The following GMDS variants were observed in gnomAD, a reference collection of about 807,000 sequenced individuals.
GMDS encodes the protein GDP-mannose 4,6-dehydratase, also known as GDP-mannose 4,6 dehydratase.
A neutral mutation model predicts 49.9 loss-of-function variants in GMDS; 20 were observed. The observed-to-expected ratio is 0.40, with a 90% CI of 0.28 to 0.58. The LOEUF (loss-of-function observed/expected upper bound fraction) is 0.58, where lower values mean the gene tolerates loss of function less well. GMDS is among the 20% of genes least tolerant of loss of function. The pLI is 0.42. For missense variants in GMDS, 362 were observed against 481.4 expected (o/e 0.75, Z 2.32); for synonymous variants, 177 against 178.6 (o/e 0.99, Z 0.07).
At position 1,683,043 on chromosome 6, in the gene GMDS, C is replaced by T. The variant is rs1581453010; in HGVS notation, c.987+43373G>A. Reference sequence around the variant, plus strand: ...CGCACGTGGGTGAGCACGTGGGAGTCTCACTATGCCGACGTCGACATCCTG... The same window carrying T: ...CGCACGTGGGTGAGCACGTGGGAGTTTCACTATGCCGACGTCGACATCCTG... On this transcript the variant is annotated intron_variant, in intron 9 of 10. Coordinates refer to ENST00000380815, the MANE Select transcript of GMDS (RefSeq NM_001500.4). 2.0e-5 allele frequency among the ~76,000 whole-genome samples: 3 copies of T among 152,074 alleles called. 1 individual carries two copies. The South Asian group carries it at 6.2e-4, about 32-fold the overall frequency.
intron 6 of GMDS, 200 bp from the exon 7 acceptor site, chr6:1,930,430 T>C (rs1378854847): frequency 2.2e-6 from 1 of 457,048 alleles, no homozygotes; most frequent in South Asian, 4.9e-5. Context: ...TAATTCCATG[T>C]GTCACATCAG....
intron 4 of GMDS, among the ~76,000 whole-genome samples, chr6:1,976,686 T>C (rs2127336160): frequency 6.6e-6 from 1 of 152,334 alleles, no homozygotes; most frequent in East Asian, 1.9e-4. Context: ...AGTATACTGG[T>C]ATTAATACTT....
At chr6:1,724,966 G>C (rs1268323006) in intron 9 of GMDS, among the ~76,000 whole-genome samples, 2 of 152,202 alleles carry the variant, frequency 1.3e-5, no homozygotes, top group African/African-American at 2.4e-5. Flanking sequence ...CTGTGTGGTA[G>C]AGTGCATGAA....
intron 7 of GMDS, among the ~76,000 whole-genome samples, chr6:1,858,150 C>CA (rs1375565877): frequency 6.6e-6 from 1 of 152,042 alleles, no homozygotes; most frequent in Non-Finnish European, 1.5e-5. Flanking sequence ...TATCTCAGTA[C>CA]ATGGAATAAA....
At chr6:2,000,029 CTATATCTTT>C (rs1766688605) in intron 4 of GMDS, among the ~76,000 whole-genome samples, 2 of 8,050 alleles carry the variant, frequency 2.5e-4, no homozygotes, top group African/African-American at 5.4e-4. Context: ...ATATATATAT[CTATATCTTT>C]TTTTTTTTTT....
intron 1 of GMDS, among the ~76,000 whole-genome samples, chr6:2,226,855 A>C (rs1178932217): frequency 1.3e-5 from 2 of 152,226 alleles, no homozygotes; most frequent in Non-Finnish European, 2.9e-5. Context: ...CTAGACCCCC[A>C]GATGCATTCA....
chr6:2,148,475 C>G (rs1344349810), intron 1 of GMDS, among the ~76,000 whole-genome samples: 1 of 152,140 alleles, frequency 6.6e-6, no homozygotes, highest in Non-Finnish European at 1.5e-5. Context: ...GGCTGGAGTG[C>G]AATGGTGTGA....
At chr6:2,144,394 G>A (rs1452086495) in intron 1 of GMDS, among the ~76,000 whole-genome samples, 2 of 152,194 alleles carry the variant, frequency 1.3e-5, no homozygotes, top group African/African-American at 2.4e-5. Flanking sequence ...TGGGCAGGAG[G>A]AGGAGAGAAC....
At chr6:1,852,007 C>A (rs979039915) in intron 7 of GMDS, among the ~76,000 whole-genome samples, 1 of 152,170 alleles carries the variant, frequency 6.6e-6, no homozygotes, top group Non-Finnish European at 1.5e-5. Flanking sequence ...GGCTCCCACA[C>A]GGAATCACAA....
At chr6:1,697,029 T>A (rs568084910) in intron 9 of GMDS, among the ~76,000 whole-genome samples, 32 of 152,158 alleles carry the variant, frequency 2.1e-4, no homozygotes, top group Non-Finnish European at 3.7e-4. Flanking sequence ...GGTACATGGA[T>A]GATGCAGAGA....
At chr6:1,718,690 C>T (rs1766261746) in intron 9 of GMDS, among the ~76,000 whole-genome samples, 1 of 151,854 alleles carries the variant, frequency 6.6e-6, no homozygotes, top group Non-Finnish European at 1.5e-5. Context: ...TGGGACTTAC[C>T]TCTACGGTAA....
intron 4 of GMDS, among the ~76,000 whole-genome samples, chr6:2,018,597 G>A (rs918986311): frequency 7.3e-5 from 11 of 150,808 alleles, no homozygotes; most frequent in African/African-American, 2.7e-4. Flanking sequence ...ATAATACGTG[G>A]TGGTTTTTAC....
intron 1 of GMDS, among the ~76,000 whole-genome samples, chr6:2,142,735 G>A (rs1354129481): frequency 2.0e-5 from 3 of 152,162 alleles, no homozygotes; most frequent in African/African-American, 7.2e-5. Flanking sequence ...AAAGAATCAG[G>A]AGAGTGGCAA....
chr6:2,002,294 T>C (rs1231870223), intron 4 of GMDS, among the ~76,000 whole-genome samples: 1 of 152,092 alleles, frequency 6.6e-6, no homozygotes, highest in Admixed American at 6.6e-5. Context: ...CTTTATCCTA[T>C]TGGAAGGAAA....
In GMDS at chr6:1,780,641, G is replaced by A. The variant is rs1268909453; in HGVS notation, c.772-38055C>T. 2.6e-5 allele frequency among the ~76,000 whole-genome samples: 4 copies of A among 152,298 alleles called. No individual in the cohort carries two copies. In the East Asian group the frequency reaches 7.7e-4, roughly 29 times the overall value. On this transcript the variant is annotated intron_variant, in intron 7 of 10. Transcript: ENST00000380815. ...GCCAGGCCCAGGAGCTGGCTCCCGCGCTGCTCTGCCCATCCTCTGCCCGTC... is the reference window on the plus strand; with the variant it reads ...GCCAGGCCCAGGAGCTGGCTCCCGCACTGCTCTGCCCATCCTCTGCCCGTC...
chr6:2,241,234 T>C (rs577266566), intron 1 of GMDS, among the ~76,000 whole-genome samples: 2 of 152,294 alleles, frequency 1.3e-5, no homozygotes, highest in South Asian at 4.1e-4. Context: ...GTCTACCCAA[T>C]GACCGTACAA....
intron 9 of GMDS, among the ~76,000 whole-genome samples, chr6:1,662,204 T>C (rs1235750037): frequency 1.3e-5 from 2 of 152,112 alleles, no homozygotes; most frequent in Non-Finnish European, 2.9e-5. Flanking sequence ...AGGTGAACAT[T>C]ACTTCATCTT....
intron 8 of GMDS, among the ~76,000 whole-genome samples, chr6:1,727,267 AT>A (rs1451279722): frequency 5.9e-5 from 9 of 152,214 alleles, no homozygotes; most frequent in Non-Finnish European, 1.2e-4. Context: ...AGTCCACACT[AT>A]GCAGGATGAG....
At chr6:1,668,406 T>C (rs1327349277) in intron 9 of GMDS, among the ~76,000 whole-genome samples, 1 of 152,222 alleles carries the variant, frequency 6.6e-6, no homozygotes, top group Non-Finnish European at 1.5e-5. Flanking sequence ...GTAGAAAATG[T>C]AATATTTTAA....
Sources: gnomAD v4.1 joint callset for allele counts (sites outside exome capture counted in the v4.1 genomes callset) on GRCh38, gnomAD v4.1.1 for gene constraint, MANE v1.5 for transcripts, NCBI Gene and HGNC (gene_info 2026-07-23, HGNC 2026-07-21) for gene names.